The following BIRC6 variants were observed in gnomAD, a reference collection of about 807,000 sequenced individuals.
The protein encoded by BIRC6 is dual E2 ubiquitin-conjugating enzyme/E3 ubiquitin-protein ligase BIRC6.
BIRC6 carries 98 observed loss-of-function variants against 503.3 expected under a neutral mutation model. That is an observed-to-expected ratio of 0.19 (90% CI 0.17 to 0.23). BIRC6 has a LOEUF of 0.23. Among genes scored for constraint, BIRC6 ranks in the 10% least tolerant of loss-of-function variants. The probability of loss-of-function intolerance (pLI) is 1.00; values close to 1 mark genes in which losing one functional copy is unlikely to be tolerated. For missense variants in BIRC6, 5,360 were observed against 5,806.0 expected, an observed-to-expected ratio of 0.92 and a Z score of 2.50; for synonymous variants, 2,240 against 2,078.7, an observed-to-expected ratio of 1.08 and a Z score of -2.11.
intron 3 of BIRC6, among the ~76,000 whole-genome samples, chr2:32,384,905 A>G (rs2038220917): frequency 6.6e-6 from 1 of 151,970 alleles, no homozygotes. Flanking sequence ...TTTCATACGT[A>G]TTTTTACCCT....
rs771302781 is a variant in BIRC6, at chr2:32,549,491, C to T, written c.13144+10C>T. On this transcript the variant is annotated intron_variant, in intron 65 of 73. Coordinates refer to ENST00000421745, the MANE Select transcript of BIRC6 (RefSeq NM_016252.4). ...CTACGAAATGATTCAGGTAAATAAT[C>T]CCTGTAAATGTGTCTGTGGATGAAT... 7.1e-7 allele frequency: 1 copy of T among 1,417,854 alleles called. No individual in the cohort carries two copies. Among genetic ancestry groups the T allele is most frequent in the Non-Finnish European group, 9.4e-7 (1 of 1,062,784 alleles). The allele number at this position is 1,417,854 out of a possible 1,614,324, so 87.8% of individuals were successfully genotyped here. A position where few individuals can be genotyped will look rare whatever the true frequency, so the allele number is the denominator to read the frequency against.
chr2:32,380,321 G>T (rs1218746851), intron 3 of BIRC6, 31 bp downstream of exon 3: 26 of 1,564,336 alleles, frequency 1.7e-5, no homozygotes, highest in Non-Finnish European at 2.0e-5. Flanking sequence ...CTCTTTTGGG[G>T]TTATATTACA....
Position 32,463,258 on chromosome 2 carries a change from G to C in BIRC6, c.4818G>C (p.Ser1606=), listed in dbSNP as rs761024593. The change falls in exon 24 of 74, where the codon TCG becomes TCC. Residue 1606 remains serine, a synonymous_variant. Transcript: ENST00000421745. ...CATCTGGGACAGTTGGGGAAGCCTC[G>C]ACAGCCCTGAGTTCAGCAGCCCAGG... ...GLSSGTVGEA[S]TALSSAAQVA... 6.2e-7 allele frequency: 1 copy of C among 1,613,440 alleles called. No homozygotes were observed. Among genetic ancestry groups the C allele is most frequent in the Admixed American group, 1.7e-5 (1 of 59,948 alleles).
intron 1 of BIRC6, among the ~76,000 whole-genome samples, chr2:32,363,604 T>G (rs1476412547): frequency 6.6e-6 from 1 of 152,184 alleles, no homozygotes; most frequent in Non-Finnish European, 1.5e-5. Context: ...CCGTTTGTCT[T>G]TTTTATAAGC....
At chr2:32,443,226 A>G (rs914682034) in intron 19 of BIRC6, among the ~76,000 whole-genome samples, 3 of 152,138 alleles carry the variant, frequency 2.0e-5, no homozygotes, top group South Asian at 4.1e-4. Flanking sequence ...CCTACTTGCT[A>G]CTGTATCTAG....
At chr2:32,423,209 C>T (rs575973205) in intron 10 of BIRC6, among the ~76,000 whole-genome samples, 7 of 152,288 alleles carry the variant, frequency 4.6e-5, no homozygotes, top group East Asian at 1.9e-4. Context: ...GGATTACAGG[C>T]GTGACCCACT....
intron 39 of BIRC6, among the ~76,000 whole-genome samples, chr2:32,484,540 A>G (rs7557833): frequency 1 from 143,339 of 143,418 alleles, 71,630 homozygotes; most frequent in East Asian, 1. Flanking sequence ...GATAGAGCAA[A>G]ACTCCAACTC....
rs2054200816 is a variant in BIRC6, at chr2:32,509,686, G to A, written c.9981-52G>A. On this transcript the variant is annotated intron_variant, in intron 51 of 73. Coordinates refer to ENST00000421745, the MANE Select transcript of BIRC6 (RefSeq NM_016252.4). Reference sequence around the variant, plus strand: ...TCTTTAAAAAGTTATGTTCTACCCCGAAGTGATTTGAGCGACTTATATTGA... The same window carrying A: ...TCTTTAAAAAGTTATGTTCTACCCCAAAGTGATTTGAGCGACTTATATTGA... The A allele has an allele frequency of 3.3e-5, 53 of 1,602,716 alleles. 1 individual carries two copies. The South Asian group carries it at 5.6e-4, about 17-fold the overall frequency.
chr2:32,371,215 C>CAAAAAAA lies in BIRC6; in HGVS notation c.326-6354_326-6348dup, dbSNP rs1179033406. 1.0e-4 allele frequency among the ~76,000 whole-genome samples: 3 copies of CAAAAAAA among 28,708 alleles called. 1 individual carries two copies. The highest frequency in any genetic ancestry group is 2.1e-4 in the Non-Finnish European group (3 of 14,608). 18.8% of individuals were successfully genotyped at this position (28,708 alleles called of 152,430 possible). A position where few individuals can be genotyped will look rare whatever the true frequency, so the allele number is the denominator to read the frequency against. ...TGGGCAACAGAGTGAGACCCTGTCT[C>CAAAAAAA]AAAAAAAAAAAAAAAAAAAAAAAAA... On this transcript the variant is annotated intron_variant, in intron 1 of 73. Coordinates refer to ENST00000421745, the MANE Select transcript of BIRC6 (RefSeq NM_016252.4).
chr2:32,381,540 C>CTTT (rs71407447), intron 3 of BIRC6, among the ~76,000 whole-genome samples: 2 of 125,332 alleles, frequency 1.6e-5, no homozygotes, highest in Non-Finnish European at 3.4e-5. Context: ...GCACCTGGCT[C>CTTT]TTTTTTTTTT....
At chr2:32,536,494 A>G (rs530349116) in intron 61 of BIRC6, among the ~76,000 whole-genome samples, 5 of 152,272 alleles carry the variant, frequency 3.3e-5, no homozygotes, top group East Asian at 3.9e-4. Flanking sequence ...TAAGGTGTAA[A>G]GAAGGCATCC....
chr2:32,532,182 T>C, intron 61 of BIRC6: 1 of 517,794 alleles, frequency 1.9e-6, no homozygotes, highest in South Asian at 1.4e-5. Context: ...GTTATTTTGG[T>C]ATAGTAGCTC....
chr2:32,529,578 A>C (rs2056565299), intron 59 of BIRC6, 73 bp from the exon 60 acceptor site: 1 of 1,312,292 alleles, frequency 7.6e-7, no homozygotes, highest in African/African-American at 1.5e-5. Context: ...AATTTAGTAA[A>C]AGCAGATAAT....
chr2:32,597,674 A>C (rs759066305), intron 68 of BIRC6, 77 bp from the exon 69 acceptor site: 47 of 1,032,808 alleles, frequency 4.6e-5, no homozygotes, highest in Non-Finnish European at 6.3e-5. Context: ...TGGGAGAAGG[A>C]CTAGTGATTG....
At chr2:32,468,250 A>G in intron 28 of BIRC6, 139 bp downstream of exon 28, 1 of 996,910 alleles carries the variant, frequency 1.0e-6, no homozygotes, top group South Asian at 1.7e-5. Context: ...AGCACGTTAC[A>G]ATAACACTTA....
chr2:32,452,240 C>T (rs948263819), intron 22 of BIRC6, among the ~76,000 whole-genome samples: 3 of 152,164 alleles, frequency 2.0e-5, no homozygotes, highest in Non-Finnish European at 4.4e-5. Flanking sequence ...CAAGTATCCT[C>T]TGATACTTCA....
At chr2:32,401,413 T>A (rs1295809480) in intron 7 of BIRC6, 28 bp downstream of exon 7, 2 of 1,612,492 alleles carry the variant, frequency 1.2e-6, no homozygotes, top group African/African-American at 1.3e-5. Context: ...AGTAACAAAT[T>A]AGTAATTGAA....
At chr2:32,475,652 C>A (rs2149086128) in intron 33 of BIRC6, among the ~76,000 whole-genome samples, 1 of 152,166 alleles carries the variant, frequency 6.6e-6, no homozygotes, top group Non-Finnish European at 1.5e-5. Flanking sequence ...GTGATATTAT[C>A]CTATAGTTTT....
At chr2:32,564,630 A>G (rs938600919) in intron 65 of BIRC6, 5 of 152,226 alleles carry the variant, frequency 3.3e-5, no homozygotes, top group African/African-American at 1.2e-4. Context: ...TTCATTGACT[A>G]TTCACCTATC....
Sources: allele counts gnomAD v4.1 joint callset (sites outside exome capture counted in the v4.1 genomes callset), GRCh38; gene constraint gnomAD v4.1.1; transcripts MANE v1.5; gene names NCBI Gene and HGNC (gene_info 2026-07-23, HGNC 2026-07-21).